Variants in SLC26A5 observed in about 807,000 individuals in gnomAD.
SLC26A5 encodes the protein prestin.
SLC26A5 carries 51 observed loss-of-function variants against 81.0 expected under a neutral mutation model. That is an observed-to-expected ratio of 0.63 (90% CI 0.50 to 0.80). The LOEUF (loss-of-function observed/expected upper bound fraction) is 0.80. Ranked by LOEUF, SLC26A5 falls within the 30% of genes least tolerant of loss-of-function variation. The pLI is 0.00. For missense variants in SLC26A5, 771 were observed against 905.8 expected, an observed-to-expected ratio of 0.85 and a Z score of 1.91; for synonymous variants, 325 against 332.8, an observed-to-expected ratio of 0.98 and a Z score of 0.25.
intron 14 of SLC26A5, among the ~76,000 whole-genome samples, chr7:103,384,685 A>G (rs1489177406): frequency 6.6e-6 from 1 of 152,074 alleles, no homozygotes; most frequent in Admixed American, 6.6e-5. Flanking sequence ...TTGCCTCACC[A>G]CTTACTGTGA....
chr7:103,374,542 G>C lies in SLC26A5; in HGVS notation c.2092C>G (p.Leu698Val), dbSNP rs1340119482. 3 of 1,613,960 alleles carry C rather than the reference G, an allele frequency of 1.9e-6. No homozygotes were observed. Among genetic ancestry groups the C allele is most frequent in the East Asian group, 4.5e-5 (2 of 44,868 alleles). Reference protein sequence around the residue: ...TRNRFFENPALWELLFHSIHD... With the variant: ...TRNRFFENPAVWELLFHSIHD... ...ATGCTGTGGAACAGCAGCTCCCATA[G>C]GGCAGGATTTTCAAAAAATCTATTC... The change falls in exon 20 of 20, where the codon CTA becomes GTA. Residue 698 changes from leucine to valine, a missense_variant. Coordinates refer to ENST00000306312, the MANE Select transcript of SLC26A5 (RefSeq NM_198999.3).
At chr7:103,442,366 G>A (rs961689437) in intron 2 of SLC26A5, among the ~76,000 whole-genome samples, 2 of 152,046 alleles carry the variant, frequency 1.3e-5, no homozygotes, top group Admixed American at 1.3e-4. Flanking sequence ...TCGAACTCCT[G>A]GCCTCAAATG....
At chr7:103,446,045 C>T (rs148936354) in intron 1 of SLC26A5, 53 bp downstream of exon 1, 6,522 of 152,434 alleles carry the variant, frequency 0.043, 188 homozygotes, top group Non-Finnish European at 0.043. Context: ...TCAGCTCAGT[C>T]CCCTCCCGAG....
intron 19 of SLC26A5, chr7:103,362,161 G>C (rs946343325): frequency 6.3e-7 from 1 of 1,587,582 alleles, no homozygotes; most frequent in Non-Finnish European, 8.5e-7. Flanking sequence ...CCTTGGCTTT[G>C]TAGTGAATAA....
intron 19 of SLC26A5, chr7:103,363,475 A>G (rs762704092): frequency 1.3e-6 from 2 of 1,549,952 alleles, no homozygotes; most frequent in Non-Finnish European, 8.9e-7. Context: ...ATTTCTTTGT[A>G]TAAAGATGTC....
At position 103,407,833 on chromosome 7, in the gene SLC26A5, T is replaced by C. The variant is rs1417175687; in HGVS notation, c.888+18A>G. On this transcript the variant is annotated intron_variant, in intron 8 of 19. Transcript: ENST00000306312. ...CAGTTGTAGAAGCCGAGTAGGTCAC[T>C]GACCGAAGGTGACTTACCGCAAAGA... is the stretch of plus-strand genomic sequence containing the variant. 7 of 1,613,742 alleles carry C rather than the reference T, an allele frequency of 4.3e-6. No individual in the cohort carries two copies. The highest frequency in any genetic ancestry group is 3.4e-6 in the Non-Finnish European group (4 of 1,179,806).
intron 4 of SLC26A5, among the ~76,000 whole-genome samples, chr7:103,413,873 C>G (rs1824698200): frequency 6.6e-6 from 1 of 152,100 alleles, no homozygotes; most frequent in Non-Finnish European, 1.5e-5. Context: ...TCCATACATT[C>G]CCTGCCCTTA....
intron 6 of SLC26A5, among the ~76,000 whole-genome samples, chr7:103,410,810 T>C (rs946893763): frequency 5.9e-5 from 9 of 152,074 alleles, no homozygotes; most frequent in African/African-American, 2.2e-4. Context: ...TTTGTATTTT[T>C]AGTAGACACG....
Position 103,437,460 on chromosome 7 carries a change from C to T in SLC26A5, c.-54+5623G>A, listed in dbSNP as rs536690899. Among the ~76,000 whole-genome samples, 7 of 152,212 alleles carry T rather than the reference C, an allele frequency of 4.6e-5. 1 individual carries two copies. Among genetic ancestry groups the T allele is most frequent in the African/African-American group, 1.4e-4 (6 of 41,526 alleles). ...ATATCCAAAGGAGTTGAAATCAATA[C>T]GTCAAAGGGATATCTGCATTCCCAT... On this transcript the variant is annotated intron_variant, in intron 2 of 19. Coordinates refer to ENST00000306312, the MANE Select transcript of SLC26A5 (RefSeq NM_198999.3).
intron 8 of SLC26A5, among the ~76,000 whole-genome samples, chr7:103,399,996 G>A (rs1823454330): frequency 6.6e-6 from 1 of 152,042 alleles, no homozygotes; most frequent in Non-Finnish European, 1.5e-5. Flanking sequence ...TTGGTTCCAA[G>A]TCTTTGCTAT....
intron 1 of SLC26A5, among the ~76,000 whole-genome samples, chr7:103,443,932 TG>T (rs1327892822): frequency 6.6e-6 from 1 of 152,224 alleles, no homozygotes; most frequent in South Asian, 2.1e-4. Context: ...ATTTTTTTTC[TG>T]GGGTAAGTCC....
rs549989449 is a variant in SLC26A5 at position 103,437,666 on chromosome 7, TG to T, written c.-54+5416del. ...TGAATCTGGAGGATATGATGCTATG[TG>T]AAAAAAGCCAGGTACAGAAAGACAA... is the stretch of plus-strand genomic sequence containing the variant. On this transcript the variant is annotated intron_variant, in intron 2 of 19. Coordinates refer to ENST00000306312, the MANE Select transcript of SLC26A5 (RefSeq NM_198999.3). Among the ~76,000 whole-genome samples the T allele has an allele frequency of 3.0e-4, 45 of 152,226 alleles. 1 individual carries two copies. The South Asian group carries it at 8.7e-3, about 29-fold the overall frequency.
intron 2 of SLC26A5, among the ~76,000 whole-genome samples, chr7:103,428,701 T>C (rs1825868437): frequency 6.6e-6 from 1 of 152,034 alleles, no homozygotes; most frequent in South Asian, 2.1e-4. Context: ...TAGCTGGGAC[T>C]ACAGGTGTGT....
At chr7:103,401,852 CTA>C (rs1823617223) in intron 8 of SLC26A5, among the ~76,000 whole-genome samples, 1 of 152,010 alleles carries the variant, frequency 6.6e-6, no homozygotes, top group Non-Finnish European at 1.5e-5. Context: ...ATGTGATGGA[CTA>C]TGTTTATTGA....
At position 103,410,457 on chromosome 7, in the gene SLC26A5, G is replaced by A. The variant is rs371795248; in HGVS notation, c.663C>T (p.Val221=). 1.2e-6 allele frequency: 2 copies of A among 1,613,860 alleles called. No homozygotes were observed. The highest frequency in any genetic ancestry group is 2.7e-5 in the African/African-American group (2 of 74,890). ...RGFTTAAAVH[V]FTSMLKYLFG... is the part of the protein sequence containing the mutation. Reference sequence around the variant, plus strand: ...ACAGATATTTTAACATGGAGGTGAAGACATGCACAGCTGCTGCGGTGGTAA... The same window carrying A: ...ACAGATATTTTAACATGGAGGTGAAAACATGCACAGCTGCTGCGGTGGTAA... Residue 221 remains valine (V), a synonymous_variant, in exon 7 of 20, where the codon GTC becomes GTT. Transcript: ENST00000306312.
In SLC26A5 at chr7:103,380,489, T is replaced by C. The variant is rs760452080; in HGVS notation, c.1575A>G (p.Ala525=). The part of the protein sequence containing the change: ...PETDVYIDID[A]YEEVKEIPGI... ...TAGAAAAAGGTCCTACCTCCTCATA[T>C]GCGTCTATATCAATATACACATCAG... is the stretch of plus-strand genomic sequence containing the variant. The change falls in exon 15 of 20, where the codon GCA becomes GCG. Residue 525 remains alanine (A), a synonymous_variant. Transcript: ENST00000306312. 2.5e-6 allele frequency: 4 copies of C among 1,613,260 alleles called. No individual in the cohort carries two copies. The highest frequency in any genetic ancestry group is 3.3e-5 in the Admixed American group (2 of 59,980).
rs1827009757 is a variant in SLC26A5 at position 103,443,227 on chromosome 7, G to T, written c.-182-16C>A. 6.6e-6 allele frequency: 1 copy of T among 151,758 alleles called. No homozygotes were observed. The highest frequency in any genetic ancestry group is 6.6e-5 in the Admixed American group (1 of 15,260). The allele number at this position is 151,758 out of a possible 1,614,324, so 9.4% of individuals were successfully genotyped here. ...CTCCTTGGCCCTATGTATAGAAGAA[G>T]AAAAGGAAGTTAATTCAGCAGTTGT... On this transcript the variant is annotated splice_polypyrimidine_tract_variant and intron_variant, in intron 1 of 19. Coordinates refer to ENST00000306312, the MANE Select transcript of SLC26A5 (RefSeq NM_198999.3).
In SLC26A5 at chr7:103,380,372, C is replaced by A. The variant is rs749945050; in HGVS notation, c.1584+108G>T. 14 of 852,094 alleles carry A rather than the reference C, an allele frequency of 1.6e-5. No homozygotes were observed. In the South Asian group the frequency reaches 2.0e-4, roughly 12 times the overall value. The allele number at this position is 852,094 out of a possible 1,614,324, so 52.8% of individuals were successfully genotyped here. Reference sequence around the variant, plus strand: ...TCAAAGCTCAGACTTTTCACTTTGACCACTATACCTCCCATCTTACCCCTA... The same window carrying A: ...TCAAAGCTCAGACTTTTCACTTTGAACACTATACCTCCCATCTTACCCCTA... On this transcript the variant is annotated intron_variant, in intron 15 of 19. Coordinates refer to ENST00000306312, the MANE Select transcript of SLC26A5 (RefSeq NM_198999.3).
At chr7:103,384,554 T>C (rs1181066098) in intron 14 of SLC26A5, among the ~76,000 whole-genome samples, 3 of 151,674 alleles carry the variant, frequency 2.0e-5, no homozygotes, top group African/African-American at 7.3e-5. Context: ...GAGGTGGAGG[T>C]TGCAGTGAGC....
Sources: allele counts gnomAD v4.1 joint callset (sites outside exome capture counted in the v4.1 genomes callset), GRCh38; gene constraint gnomAD v4.1.1; transcripts MANE v1.5; gene names NCBI Gene and HGNC (gene_info 2026-07-23, HGNC 2026-07-21).